The following PIEZO1 variants were observed in gnomAD, a reference collection of about 807,000 sequenced individuals.
PIEZO1 encodes the protein piezo type mechanosensitive ion channel component 1 (Er blood group).
PIEZO1 carries 296 observed loss-of-function variants against 297.2 expected under a neutral mutation model. The ratio of observed to expected loss-of-function variants is 1.00; its 90% confidence interval spans 0.91 to 1.10. The LOEUF is 1.10. Ranked by LOEUF, PIEZO1 falls within the 50% of genes least tolerant of loss-of-function variation. The pLI is 0.00. For missense variants in PIEZO1, 5,018 were observed against 3,455.5 expected (o/e 1.45, Z -11.34); for synonymous variants, 2,427 against 1,507.5 (o/e 1.61, Z -14.13).
chr16:88,742,807 G>T (rs927258005), intron 2 of PIEZO1: 8 of 341,964 alleles, frequency 2.3e-5, no homozygotes, highest in Non-Finnish European at 3.5e-5. Context: ...CCTCACCCCA[G>T]TGGGGGCTGC....
At chr16:88,736,854 G>A (rs941468490) in intron 10 of PIEZO1, 115 bp from the exon 11 acceptor site, 56 of 630,256 alleles carry the variant, frequency 8.9e-5, no homozygotes, top group Non-Finnish European at 1.3e-4. Context: ...ACAGGCCCCC[G>A]GTGGGCTATG....
Position 88,727,072 on chromosome 16 carries a change from TC to T in PIEZO1, c.3421del (p.Glu1141SerfsTer18), listed in dbSNP as rs1567666666. 6 of 1,548,912 alleles carry T rather than the reference TC, an allele frequency of 3.9e-6. No individual in the cohort carries two copies. Among genetic ancestry groups the T allele is most frequent in the East Asian group, 2.4e-5 (1 of 40,880 alleles). On this transcript the variant is annotated frameshift_variant, in exon 24 of 51. Coordinates refer to ENST00000301015, the MANE Select transcript of PIEZO1 (RefSeq NM_001142864.4). LOFTEE classifies it high-confidence loss of function. ...NTDRLEPLRGEPNPVPNFIHC... is the reference protein window; with the variant it reads ...NTDRLEPLRGXPNPVPNFIHC... ...GATAAAGTTGGGCACGGGGTTGGGC[TC>T]CCCCCGCAGCGGCTCCAGGCGGTCG...
intron 5 of PIEZO1, chr16:88,739,062 A>C: frequency 2.9e-6 from 1 of 342,730 alleles, no homozygotes; most frequent in Non-Finnish European, 5.4e-6. Flanking sequence ...GTCCTATACC[A>C]CCTCATCTCC....
intron 2 of PIEZO1, among the ~76,000 whole-genome samples, chr16:88,748,488 TCCC>T (rs67008739): frequency 0.018 from 2,463 of 136,188 alleles, 60 homozygotes; most frequent in African/African-American, 0.055. Context: ...GGGTCTCAGC[TCCC>T]CCCCCCCCCC....
At chr16:88,744,735 T>C (rs1263376562) in intron 2 of PIEZO1, among the ~76,000 whole-genome samples, 1 of 151,916 alleles carries the variant, frequency 6.6e-6, no homozygotes, top group African/African-American at 2.4e-5. Flanking sequence ...AGCTGGGCCA[T>C]GATCCCTCCG....
intron 44 of PIEZO1, chr16:88,719,152 G>T (rs557553475): frequency 1.3e-4 from 27 of 204,590 alleles, no homozygotes; most frequent in Non-Finnish European, 2.5e-4. Context: ...CCCGGCCCGG[G>T]GTTTCTTTTT....
intron 1 of PIEZO1, among the ~76,000 whole-genome samples, chr16:88,756,543 C>T (rs959714105): frequency 2.6e-4 from 39 of 150,300 alleles, no homozygotes; most frequent in African/African-American, 8.6e-4. Context: ...GGCTCAAGCC[C>T]GCCATCTCAT....
intron 19 of PIEZO1, chr16:88,732,991 G>A (rs913903546): frequency 3.4e-6 from 2 of 581,728 alleles, no homozygotes; most frequent in Non-Finnish European, 3.1e-6. Flanking sequence ...AGGCAGAGAT[G>A]CCTGACTGTC....
chr16:88,738,690 T>A lies in PIEZO1; in HGVS notation c.512A>T (p.Gln171Leu). The change falls in exon 6 of 51, where the codon CAG (glutamine) becomes CTG (leucine). Residue 171 changes from glutamine (Q) to leucine (L), a missense_variant. Gln to Leu is a moderately radical substitution (Grantham distance 113, BLOSUM62 -2). Transcript: ENST00000301015. ...DVDASPTAGLQEAATLAPTRR... is the reference protein window; with the variant it reads ...DVDASPTAGLLEAATLAPTRR... ...TGTAGGGGCCAGCGTTGCTGCTTCCTGCAGCCCTGCCGTCGGGCTGGCATC... is the reference window on the plus strand; with the variant it reads ...TGTAGGGGCCAGCGTTGCTGCTTCCAGCAGCCCTGCCGTCGGGCTGGCATC... The A allele has an allele frequency of 6.5e-7, 1 of 1,534,274 alleles. No homozygotes were observed. The highest frequency in any genetic ancestry group is 8.7e-7 in the Non-Finnish European group (1 of 1,145,614).
At chr16:88,756,816 C>A (rs1447946587) in intron 1 of PIEZO1, among the ~76,000 whole-genome samples, 1 of 151,728 alleles carries the variant, frequency 6.6e-6, no homozygotes, top group East Asian at 1.9e-4. Flanking sequence ...GTGGCTCATG[C>A]CTGTAATCCC....
chr16:88,757,677 G>T (rs914323212), intron 1 of PIEZO1, among the ~76,000 whole-genome samples: 2 of 152,172 alleles, frequency 1.3e-5, no homozygotes, highest in Non-Finnish European at 2.9e-5. Context: ...TGACCTGGGG[G>T]TTCCTGGCCC....
chr16:88,736,458 G>A (rs1384570587), intron 11 of PIEZO1, 50 bp from the exon 12 acceptor site: 16 of 1,428,864 alleles, frequency 1.1e-5, no homozygotes, highest in African/African-American at 1.5e-5. Flanking sequence ...CCACCCAGGC[G>A]ATGCCCCACA....
intron 1 of PIEZO1, among the ~76,000 whole-genome samples, chr16:88,775,071 G>C (rs1408167954): frequency 1.3e-5 from 2 of 152,220 alleles, no homozygotes; most frequent in Non-Finnish European, 2.9e-5. Flanking sequence ...GAAGACGACA[G>C]AGTTCCCGGC....
intron 1 of PIEZO1, among the ~76,000 whole-genome samples, chr16:88,778,314 G>T (rs557837633): frequency 6.6e-6 from 1 of 152,324 alleles, no homozygotes; most frequent in East Asian, 1.9e-4. Context: ...GGGGGTGGCT[G>T]AGGCGGCTGC....
intron 42 of PIEZO1, 40 bp from the exon 43 acceptor site, chr16:88,720,000 A>C (rs1289893242): frequency 6.5e-7 from 1 of 1,549,200 alleles, no homozygotes; most frequent in Non-Finnish European, 8.7e-7. Flanking sequence ...CATCAGAAAC[A>C]GCCCCGCAGG....
chr16:88,773,318 A>G (rs1907511168), intron 1 of PIEZO1, among the ~76,000 whole-genome samples: 1 of 152,228 alleles, frequency 6.6e-6, no homozygotes, highest in African/African-American at 2.4e-5. Context: ...CTGAATAAAA[A>G]CCGCAGAGGA....
At chr16:88,724,179 G>A (rs917158208) in intron 30 of PIEZO1, among the ~76,000 whole-genome samples, 1 of 152,250 alleles carries the variant, frequency 6.6e-6, no homozygotes, top group Non-Finnish European at 1.5e-5. Context: ...GGGCTGGGGT[G>A]CAGAGTGGGC....
intron 22 of PIEZO1, among the ~76,000 whole-genome samples, chr16:88,729,906 C>G (rs1567668386): frequency 6.6e-6 from 1 of 152,214 alleles, no homozygotes; most frequent in Non-Finnish European, 1.5e-5. Flanking sequence ...GAGGGAACCT[C>G]ACGATACAAA....
intron 44 of PIEZO1, 186 bp from the exon 45 acceptor site, chr16:88,717,397 G>A (rs1233284028): frequency 1.5e-6 from 1 of 652,888 alleles, no homozygotes; most frequent in Non-Finnish European, 2.8e-6. Context: ...GAACCCTCAT[G>A]TTCAGGGGTC....
Sources: allele counts gnomAD v4.1 joint callset (sites outside exome capture counted in the v4.1 genomes callset), GRCh38; gene constraint gnomAD v4.1.1; transcripts MANE v1.5; gene names NCBI Gene and HGNC (gene_info 2026-07-23, HGNC 2026-07-21).